The following CTIF variants were observed in gnomAD, a reference collection of about 807,000 sequenced individuals.
CTIF encodes the protein cap binding complex dependent translation initiation factor, also known as CBP80/20-dependent translation initiation factor.
Under a neutral mutation model 66.0 loss-of-function variants are expected in CTIF, and 21 were observed. The observed-to-expected ratio is 0.32, with a 90% CI of 0.23 to 0.46. The LOEUF (loss-of-function observed/expected upper bound fraction) is 0.46. Among genes scored for constraint, CTIF ranks in the 20% least tolerant of loss-of-function variants. The probability of loss-of-function intolerance (pLI) is 1.00; values close to 1 mark genes in which losing one functional copy is unlikely to be tolerated. For missense variants in CTIF, 739 were observed against 812.7 expected (o/e 0.91, Z 1.10); for synonymous variants, 345 against 326.4 (o/e 1.06, Z -0.62).
intron 1 of CTIF, among the ~76,000 whole-genome samples, chr18:48,593,618 G>A (rs1357195985): frequency 3.3e-5 from 5 of 151,838 alleles, no homozygotes; most frequent in South Asian, 4.2e-4. Flanking sequence ...TCCTGACCTC[G>A]TGATCCGCCC....
chr18:48,846,915 A>G (rs2069093046), intron 10 of CTIF, among the ~76,000 whole-genome samples: 1 of 152,136 alleles, frequency 6.6e-6, no homozygotes, highest in Non-Finnish European at 1.5e-5. Context: ...GGATGAGTGG[A>G]TGGAGGGATA....
chr18:48,792,668 G>T (rs1413086192), intron 9 of CTIF, among the ~76,000 whole-genome samples: 4 of 152,184 alleles, frequency 2.6e-5, no homozygotes, highest in African/African-American at 9.7e-5. Context: ...TTTCAAGGAA[G>T]AGCTGAGAGG....
intron 1 of CTIF, among the ~76,000 whole-genome samples, chr18:48,548,624 A>C (rs1341600521): frequency 6.6e-6 from 1 of 152,250 alleles, no homozygotes; most frequent in Non-Finnish European, 1.5e-5. Context: ...GTGCTCTGCC[A>C]CTGGCATGAA....
intron 9 of CTIF, among the ~76,000 whole-genome samples, chr18:48,815,797 G>T (rs1283768973): frequency 2.0e-5 from 3 of 152,234 alleles, no homozygotes; most frequent in Admixed American, 2.0e-4. Context: ...GTCAGCAGTG[G>T]TGTGGGGGAC....
At chr18:48,608,851 C>A (rs1483481420) in intron 1 of CTIF, among the ~76,000 whole-genome samples, 1 of 152,144 alleles carries the variant, frequency 6.6e-6, no homozygotes, top group Non-Finnish European at 1.5e-5. Context: ...ACTGGGGACC[C>A]TGGAAACCCC....
intron 2 of CTIF, among the ~76,000 whole-genome samples, chr18:48,629,440 A>G (rs775095419): frequency 1.3e-5 from 2 of 152,146 alleles, no homozygotes; most frequent in African/African-American, 2.4e-5. Context: ...TAATTTATAC[A>G]TATAATTGTA....
At chr18:48,808,325 T>C (rs922506779) in intron 9 of CTIF, among the ~76,000 whole-genome samples, 1 of 152,238 alleles carries the variant, frequency 6.6e-6, no homozygotes, top group Non-Finnish European at 1.5e-5. Flanking sequence ...TTCATACTTT[T>C]ATTACAAATT....
chr18:48,794,539 G>A (rs1277642070), intron 9 of CTIF, among the ~76,000 whole-genome samples: 1 of 152,198 alleles, frequency 6.6e-6, no homozygotes, highest in Non-Finnish European at 1.5e-5. Context: ...GCTGAGTAGT[G>A]GGGATTGACA....
At chr18:48,582,200 G>A (rs1363380043) in intron 1 of CTIF, among the ~76,000 whole-genome samples, 2 of 152,086 alleles carry the variant, frequency 1.3e-5, no homozygotes, top group Non-Finnish European at 2.9e-5. Flanking sequence ...ACAGCTGCCA[G>A]TGTCAGAGGA....
intron 1 of CTIF, among the ~76,000 whole-genome samples, chr18:48,617,976 G>A (rs1002722806): frequency 2.0e-5 from 3 of 152,220 alleles, no homozygotes; most frequent in Non-Finnish European, 2.9e-5. Flanking sequence ...AAATGAGCTG[G>A]GAAAGCAGAG....
intron 10 of CTIF, among the ~76,000 whole-genome samples, chr18:48,833,165 G>A (rs2068731271): frequency 6.6e-6 from 1 of 152,246 alleles, no homozygotes; most frequent in Non-Finnish European, 1.5e-5. Context: ...CCTGGCTGGA[G>A]TGGAGGGCGT....
At chr18:48,612,539 G>T (rs2090325880) in intron 1 of CTIF, among the ~76,000 whole-genome samples, 1 of 152,252 alleles carries the variant, frequency 6.6e-6, no homozygotes, top group East Asian at 1.9e-4. Context: ...TTGCTGGAGA[G>T]CAACCTGGGA....
At chr18:48,546,069 G>A (rs2088741836) in intron 1 of CTIF, among the ~76,000 whole-genome samples, 1 of 152,174 alleles carries the variant, frequency 6.6e-6, no homozygotes, top group South Asian at 2.1e-4. Flanking sequence ...ACAGAGTGGG[G>A]AAGCCCTGGA....
In CTIF at chr18:48,695,887, C is replaced by T. The variant is rs11661328; in HGVS notation, c.508-15732C>T. On this transcript the variant is annotated intron_variant, in intron 6 of 11. Coordinates refer to ENST00000256413, the MANE Select transcript of CTIF (RefSeq NM_014772.3). ...GAAGGAAAGAGTTCGCAGGGAACTT[C>T]CTGCCATTGTTGGGCTGTCTCCTCC... is the stretch of plus-strand genomic sequence containing the variant. 2.0e-3 allele frequency among the ~76,000 whole-genome samples: 302 copies of T among 152,352 alleles called. 1 individual carries two copies. Among genetic ancestry groups the T allele is most frequent in the Non-Finnish European group, 2.0e-3 (139 of 68,034 alleles).
intron 10 of CTIF, among the ~76,000 whole-genome samples, chr18:48,820,952 A>C (rs1022793955): frequency 1.3e-5 from 2 of 152,220 alleles, no homozygotes; most frequent in Non-Finnish European, 2.9e-5. Flanking sequence ...TAGCTCAAGC[A>C]TGTGCTTAGT....
chr18:48,714,663 G>T (rs2092262557), intron 7 of CTIF, among the ~76,000 whole-genome samples: 1 of 152,214 alleles, frequency 6.6e-6, no homozygotes. Flanking sequence ...GGGTTTTTGT[G>T]TGCCTTACTG....
chr18:48,598,160 T>A (rs936898865), intron 1 of CTIF, among the ~76,000 whole-genome samples: 2 of 151,824 alleles, frequency 1.3e-5, no homozygotes, highest in South Asian at 2.1e-4. Context: ...TAATGGGGAG[T>A]TGGCGGAGGC....
chr18:48,839,299 C>T (rs563049458), intron 10 of CTIF, among the ~76,000 whole-genome samples: 6 of 152,240 alleles, frequency 3.9e-5, no homozygotes, highest in African/African-American at 1.4e-4. Flanking sequence ...CTCCTCACCC[C>T]ACTCTCCTGG....
chr18:48,722,772 A>G (rs1361366819), intron 7 of CTIF, among the ~76,000 whole-genome samples: 1 of 151,894 alleles, frequency 6.6e-6, no homozygotes, highest in Non-Finnish European at 1.5e-5. Flanking sequence ...GGCTGTGCCC[A>G]TCGGCGCTCA....
Sources: allele counts gnomAD v4.1 joint callset (sites outside exome capture counted in the v4.1 genomes callset), GRCh38; gene constraint gnomAD v4.1.1; transcripts MANE v1.5; gene names NCBI Gene and HGNC (gene_info 2026-07-23, HGNC 2026-07-21).